KSR2: variants seen among roughly 807,000 people sequenced by gnomAD.
KSR2 encodes kinase suppressor of ras 2.
Under a neutral mutation model 107.8 loss-of-function variants are expected in KSR2, and 25 were observed. The ratio of observed to expected loss-of-function variants is 0.23; its 90% CI spans 0.17 to 0.32. KSR2 has a LOEUF of 0.32. Among genes scored for constraint, KSR2 ranks in the 10% least tolerant of loss-of-function variants. The pLI is 1.00. For missense variants in KSR2, 887 were observed against 1,268.9 expected (o/e 0.70, Z 4.57); for synonymous variants, 480 against 507.0 (o/e 0.95, Z 0.71).
intron 3 of KSR2, among the ~76,000 whole-genome samples, chr12:117,828,205 C>T (rs1293928609): frequency 6.6e-6 from 1 of 152,174 alleles, no homozygotes; most frequent in African/African-American, 2.4e-5. Context: ...TATGCAGTAA[C>T]ACTTGGGAAG....
chr12:117,569,806 CCCTATAA>C (rs1222260683), intron 7 of KSR2, among the ~76,000 whole-genome samples: 4 of 152,010 alleles, frequency 2.6e-5, no homozygotes, highest in African/African-American at 9.7e-5. Context: ...CTGTAGTTCA[CCCTATAA>C]CCTGAAATAT....
At chr12:117,758,574 G>A (rs1034580894) in intron 4 of KSR2, among the ~76,000 whole-genome samples, 3 of 152,152 alleles carry the variant, frequency 2.0e-5, no homozygotes, top group Non-Finnish European at 4.4e-5. Context: ...GAAGAAACCT[G>A]AAGGGCAAAG....
At chr12:117,864,848 C>T (rs146187580) in intron 1 of KSR2, among the ~76,000 whole-genome samples, 15 of 152,230 alleles carry the variant, frequency 9.9e-5, no homozygotes, top group South Asian at 2.1e-4. Context: ...CTGCAACAAC[C>T]CTATTTCCAG....
intron 1 of KSR2, among the ~76,000 whole-genome samples, chr12:117,965,285 T>C (rs536069939): frequency 1.3e-5 from 2 of 152,334 alleles, no homozygotes; most frequent in East Asian, 1.9e-4. Context: ...CTGGTATTAC[T>C]AACCTACTGA....
intron 5 of KSR2, among the ~76,000 whole-genome samples, chr12:117,616,080 C>CTGAGAGGT (rs1881869305): frequency 6.7e-6 from 1 of 149,658 alleles, no homozygotes; most frequent in Admixed American, 6.7e-5. Context: ...TTGCTTGATC[C>CTGAGAGGT]TGAGAGGTTG....
intron 8 of KSR2, 93 bp downstream of exon 8, chr12:117,558,413 A>T (rs1206659351): frequency 1.1e-6 from 1 of 910,502 alleles, no homozygotes; most frequent in African/African-American, 1.6e-5. Flanking sequence ...ATCAAGAGGT[A>T]TTCAGAACCA....
At chr12:117,759,356 T>C (rs575017128) in intron 4 of KSR2, among the ~76,000 whole-genome samples, 1 of 152,116 alleles carries the variant, frequency 6.6e-6, no homozygotes, top group Admixed American at 6.6e-5. Context: ...CATGATAGAG[T>C]TGAGTAACTG....
intron 5 of KSR2, among the ~76,000 whole-genome samples, chr12:117,646,522 C>T (rs1883651466): frequency 6.6e-6 from 1 of 152,108 alleles, no homozygotes. Flanking sequence ...GTGCTGTTTC[C>T]TAGGGTTTCC....
At chr12:117,757,437 T>C (rs1295947546) in intron 4 of KSR2, among the ~76,000 whole-genome samples, 1 of 152,218 alleles carries the variant, frequency 6.6e-6, no homozygotes, top group East Asian at 1.9e-4. Context: ...TTTTAGAATA[T>C]TGCATAAACT....
At chr12:117,799,548 A>G (rs898987189) in intron 3 of KSR2, among the ~76,000 whole-genome samples, 2 of 152,120 alleles carry the variant, frequency 1.3e-5, no homozygotes, top group Admixed American at 1.3e-4. Flanking sequence ...TTTATATTGT[A>G]TCTATTTTAC....
chr12:117,544,946 TATA>T (rs1157122064), intron 9 of KSR2, among the ~76,000 whole-genome samples: 14 of 152,244 alleles, frequency 9.2e-5, no homozygotes, highest in Non-Finnish European at 8.8e-5. Flanking sequence ...CATCACTAAG[TATA>T]ATGTTAGCTG....
chr12:117,573,350 CTGTT>C lies in KSR2; in HGVS notation c.1325+5765_1325+5768del, dbSNP rs1415990998. Among the ~76,000 whole-genome samples, 10 of 152,042 alleles carry C rather than the reference CTGTT, an allele frequency of 6.6e-5. No homozygotes were observed. The East Asian group carries it at 1.9e-3, about 29-fold the overall frequency. On this transcript the variant is annotated intron_variant, in intron 7 of 19. Transcript: ENST00000339824. ...ACATGTCATTGAACAATTACCTTAC[CTGTT>C]TTTTGTTGTCGTTGTCGTTGTCATT...
Position 117,455,073 on chromosome 12 carries a change from G to GAGAGAGAGAGT in KSR2, c.*12125_*12126insACTCTCTCTCT, listed in dbSNP as rs1870544452. Reference sequence around the variant, plus strand: ...GAGAGAGAGAGAGAGAGAGAGAGAGGTCTGTAGAGCCAGAGAGGGATGCAG... The same window carrying GAGAGAGAGAGT: ...GAGAGAGAGAGAGAGAGAGAGAGAGGAGAGAGAGAGTTCTGTAGAGCCAGAGAGGGATGCAG... On this transcript the variant is annotated 3_prime_UTR_variant, in exon 20 of 20. Coordinates refer to ENST00000339824, the MANE Select transcript of KSR2 (RefSeq NM_173598.6). The GAGAGAGAGAGT allele has an allele frequency of 1.2e-5, 1 of 83,116 alleles. No homozygotes were observed. 5.1% of individuals were successfully genotyped at this position (83,116 alleles called of 1,614,324 possible). A position where few individuals can be genotyped will look rare whatever the true frequency, so the allele number is the denominator to read the frequency against.
At chr12:117,661,008 G>A (rs1884409615) in intron 5 of KSR2, among the ~76,000 whole-genome samples, 2 of 152,298 alleles carry the variant, frequency 1.3e-5, no homozygotes, top group South Asian at 4.1e-4. Flanking sequence ...CCCACACAGT[G>A]GAGTTGTCTA....
chr12:117,800,923 C>A (rs1266358631), intron 3 of KSR2, among the ~76,000 whole-genome samples: 3 of 152,146 alleles, frequency 2.0e-5, no homozygotes, highest in Non-Finnish European at 4.4e-5. Flanking sequence ...CTGCAAAGGA[C>A]ATGAACTCAT....
chr12:117,532,266 T>C (rs1875699489), intron 10 of KSR2, among the ~76,000 whole-genome samples: 1 of 152,194 alleles, frequency 6.6e-6, no homozygotes, highest in African/African-American at 2.4e-5. Context: ...TCAAGCTTAG[T>C]TCCTTCTGAA....
chr12:117,785,414 CAAAAAAAAAAAAA>C (rs374881532), intron 3 of KSR2, among the ~76,000 whole-genome samples: 41 of 37,420 alleles, frequency 1.1e-3, no homozygotes, highest in East Asian at 3.4e-3. Flanking sequence ...GACTCCATCT[CAAAAAAAAAAAAA>C]AAAAAAAAAA....
At position 117,897,131 on chromosome 12, in the gene KSR2, G is replaced by C. The variant is rs1894538671; in HGVS notation, c.181-36700C>G. On this transcript the variant is annotated intron_variant, in intron 1 of 19. Coordinates refer to ENST00000339824, the MANE Select transcript of KSR2 (RefSeq NM_173598.6). The surrounding 1 kb of genome is among the most constrained non-coding windows in gnomAD (Gnocchi z 4.5). ...TGATGTTCAGCTTGAGGGAGTAGCG[G>C]AGCAGCCACGTGTTCGTCATCAGGA... Among the ~76,000 whole-genome samples, 1 of 152,150 alleles carries C rather than the reference G, an allele frequency of 6.6e-6. No homozygotes were observed. The highest frequency in any genetic ancestry group is 1.5e-5 in the Non-Finnish European group (1 of 68,028).
chr12:117,632,768 G>A (rs533246371), intron 5 of KSR2, among the ~76,000 whole-genome samples: 47 of 152,234 alleles, frequency 3.1e-4, no homozygotes, highest in African/African-American at 9.9e-4. Flanking sequence ...TAGCTCTTAA[G>A]TATAAGTGAA....
Sources: allele counts gnomAD v4.1 joint callset (sites outside exome capture counted in the v4.1 genomes callset), GRCh38; gene constraint gnomAD v4.1.1; non-coding constraint Gnocchi (gnomAD v3.1); transcripts MANE v1.5; gene names NCBI Gene and HGNC (gene_info 2026-07-23, HGNC 2026-07-21).